POLA1: variants seen among roughly 807,000 people sequenced by gnomAD.
The protein encoded by POLA1 is DNA polymerase alpha catalytic subunit.
POLA1 carries 15 observed loss-of-function variants against 124.0 expected under a neutral mutation model. That is an observed-to-expected ratio of 0.12 (90% CI 0.08 to 0.19). POLA1 has a LOEUF of 0.19. Among genes scored for constraint, POLA1 ranks in the 10% least tolerant of loss-of-function variants. The probability of loss-of-function intolerance (pLI) is 1.00; values close to 1 mark genes in which losing one functional copy is unlikely to be tolerated. For missense variants in POLA1, 886 were observed against 1,103.4 expected (o/e 0.80, Z 2.79); for synonymous variants, 408 against 389.4 (o/e 1.05, Z -0.56).
intron 32 of POLA1, among the ~76,000 whole-genome samples, chrX:24,841,244 A>G (rs2046404557): frequency 8.9e-6 from 1 of 112,236 alleles, no homozygotes; most frequent in African/African-American, 3.2e-5. Context: ...CTGTGTCTGC[A>G]CTTGAAGGAG....
At chrX:24,804,501 GA>G in intron 26 of POLA1, among the ~76,000 whole-genome samples, 1 of 111,811 alleles carries the variant, frequency 8.9e-6, no homozygotes, top group East Asian at 2.8e-4. Flanking sequence ...GGTAATGGAA[GA>G]ATCCTAAAGC....
Position 24,996,354 on chromosome X carries a change from G to T in POLA1, c.*404G>T. The T allele has an allele frequency of 8.2e-6, 1 of 121,887 alleles. No individual in the cohort carries two copies. The highest frequency in any genetic ancestry group is 1.7e-5 in the Non-Finnish European group (1 of 59,128). The allele number at this position is 121,887 out of a possible 1,213,427, so 10.0% of individuals were successfully genotyped here. On this transcript the variant is annotated 3_prime_UTR_variant, in exon 37 of 37. Transcript: ENST00000379068. ...AAAGAGAGCTTCTCAGAGCCTGACT[G>T]AAGAGCTGACGTTTTGCTTTTTCAT...
intron 2 of POLA1, among the ~76,000 whole-genome samples, chrX:24,701,749 T>A (rs1490995391): frequency 9.5e-6 from 1 of 105,412 alleles, no homozygotes. Context: ...GTAGAACTCT[T>A]GAGAGAATGG....
chrX:24,739,066 C>T (rs1033653568), intron 19 of POLA1, among the ~76,000 whole-genome samples: 2 of 111,161 alleles, frequency 1.8e-5, no homozygotes, highest in African/African-American at 3.3e-5. Context: ...CCTTGTACCC[C>T]TCACCCTGCT....
intron 34 of POLA1, among the ~76,000 whole-genome samples, chrX:24,844,311 G>A (rs11573436): frequency 1.1e-3 from 117 of 111,216 alleles, no homozygotes; most frequent in Middle Eastern, 4.7e-3. Context: ...TGTTTTTAAC[G>A]CATTTCACAT....
chrX:24,736,867 A>G (rs1931309837), intron 18 of POLA1, among the ~76,000 whole-genome samples: 1 of 111,108 alleles, frequency 9.0e-6, no homozygotes, highest in Non-Finnish European at 1.9e-5. Flanking sequence ...GATTTTGACT[A>G]CTCTAAGTAG....
At chrX:24,833,143 G>A (rs376779674) in intron 32 of POLA1, among the ~76,000 whole-genome samples, 31 of 110,913 alleles carry the variant, frequency 2.8e-4, no homozygotes, top group African/African-American at 9.9e-4. Flanking sequence ...CCACTTATGA[G>A]TGAGAGCATA....
intron 18 of POLA1, among the ~76,000 whole-genome samples, chrX:24,736,495 C>T (rs1006689448): frequency 1.8e-4 from 20 of 111,792 alleles, no homozygotes; most frequent in African/African-American, 6.5e-4. Context: ...GGCCTGGCTT[C>T]AGGTGTTAGA....
chrX:24,883,360 T>A (rs187496289), intron 34 of POLA1, among the ~76,000 whole-genome samples: 2 of 112,310 alleles, frequency 1.8e-5, no homozygotes, highest in East Asian at 5.6e-4. Flanking sequence ...TGCTCTACAG[T>A]TTCAGATCTA....
intron 30 of POLA1, 127 bp downstream of exon 30, chrX:24,815,238 A>G (rs746346098): frequency 1.6e-6 from 1 of 607,894 alleles, no homozygotes; most frequent in South Asian, 3.4e-5. Flanking sequence ...GCTGCTTAAC[A>G]ACTATCTCAC....
chrX:24,718,888 AGGTG>A (rs1930021284), intron 10 of POLA1, among the ~76,000 whole-genome samples: 2 of 111,352 alleles, frequency 1.8e-5, no homozygotes, highest in African/African-American at 6.5e-5. Flanking sequence ...TGGATGGGGG[AGGTG>A]ACAGAAAGGA....
intron 35 of POLA1, among the ~76,000 whole-genome samples, chrX:24,921,347 A>G (rs762938011): frequency 1.8e-5 from 2 of 112,576 alleles, no homozygotes; most frequent in Admixed American, 9.4e-5. Flanking sequence ...AAATAATTCT[A>G]TTAGAAAATG....
At chrX:24,763,435 G>C (rs189967156) in intron 26 of POLA1, among the ~76,000 whole-genome samples, 1 of 111,027 alleles carries the variant, frequency 9.0e-6, no homozygotes, top group African/African-American at 3.3e-5. Context: ...CAGTTTGATC[G>C]TAGACATGTT....
chrX:24,693,961 C>T lies in POLA1; in HGVS notation c.-1C>T, dbSNP rs1192915095. On this transcript the variant is annotated 5_prime_UTR_variant, in exon 1 of 37. Transcript: ENST00000379068. ...GGCGCGGAATCGGGAGATTCGGGAC[C>T]ATGGCACCTGTGCACGGCGACGACT... The T allele has an allele frequency of 4.2e-6, 5 of 1,194,362 alleles. No homozygotes were observed. Among genetic ancestry groups the T allele is most frequent in the Non-Finnish European group, 5.6e-6 (5 of 886,722 alleles).
At chrX:24,710,067 G>A (rs1319640290) in intron 4 of POLA1, among the ~76,000 whole-genome samples, 6 of 105,755 alleles carry the variant, frequency 5.7e-5, no homozygotes, top group African/African-American at 2.1e-4. Flanking sequence ...GGCCCCGTGG[G>A]GCCCGTCCGC....
intron 34 of POLA1, among the ~76,000 whole-genome samples, chrX:24,868,839 G>A (rs780265262): frequency 1.8e-5 from 2 of 111,935 alleles, no homozygotes; most frequent in African/African-American, 6.5e-5. Context: ...CACAGCATTC[G>A]GATAAAAATG....
intron 14 of POLA1, 59 bp downstream of exon 14, chrX:24,727,130 A>G: frequency 2.1e-6 from 2 of 970,257 alleles, no homozygotes; most frequent in South Asian, 4.3e-5. Context: ...TGGTTTTTAA[A>G]AGGGAAGTTA....
Position 24,967,321 on chromosome X carries a change from G to A in POLA1, c.4262-28484G>A, listed in dbSNP as rs151261176. 8.6e-3 allele frequency among the ~76,000 whole-genome samples: 934 copies of A among 109,236 alleles called. 4 individuals carry two copies. The highest frequency in any genetic ancestry group is 0.012 in the Non-Finnish European group (611 of 52,638). The allele number at this position is 109,236 out of a possible 115,157, so 94.9% of individuals were successfully genotyped here. On this transcript the variant is annotated intron_variant, in intron 36 of 36. Transcript: ENST00000379068. ...ACAGAGCAAAGTCTGTATACTTTTC[G>A]TACATAGATGTCTGGGTAGAGATTT... is the stretch of plus-strand genomic sequence containing the variant.
At chrX:24,910,009 T>G (rs1235624781) in intron 35 of POLA1, among the ~76,000 whole-genome samples, 14 of 110,894 alleles carry the variant, frequency 1.3e-4, no homozygotes, top group African/African-American at 2.6e-4. Flanking sequence ...ATGTGAATGG[T>G]AGTTCACTCA....
Sources: allele counts gnomAD v4.1 joint callset (sites outside exome capture counted in the v4.1 genomes callset), GRCh38; gene constraint gnomAD v4.1.1; transcripts MANE v1.5; gene names NCBI Gene and HGNC (gene_info 2026-07-23, HGNC 2026-07-21).